Variants in DOCK2 observed in about 807,000 individuals in gnomAD.
The protein encoded by DOCK2 is dedicator of cytokinesis protein 2.
In DOCK2, 87 loss-of-function variants were observed where a neutral mutation model predicts 248.9. The ratio of observed to expected loss-of-function variants is 0.35; its 90% CI spans 0.29 to 0.42. The LOEUF (loss-of-function observed/expected upper bound fraction) is 0.42. Ranked by LOEUF, DOCK2 falls within the 10% of genes least tolerant of loss-of-function variation. The pLI is 1.00. For missense variants in DOCK2, 1,747 were observed against 2,300.2 expected (o/e 0.76, Z 4.92); for synonymous variants, 805 against 821.6 (o/e 0.98, Z 0.35).
intron 41 of DOCK2, among the ~76,000 whole-genome samples, chr5:170,051,979 G>C (rs1034017065): frequency 5.3e-5 from 8 of 152,150 alleles, no homozygotes; most frequent in Non-Finnish European, 1.0e-4. Flanking sequence ...GCCAGTGCTG[G>C]GCAACAGACA....
At chr5:169,999,092 A>T (rs553489532) in intron 30 of DOCK2, among the ~76,000 whole-genome samples, 1 of 152,138 alleles carries the variant, frequency 6.6e-6, no homozygotes, top group Admixed American at 6.5e-5. Flanking sequence ...ACTATTTTCC[A>T]TGCTCTTAGA....
At chr5:169,765,070 G>GCGCACACACA (rs1554098290) in intron 25 of DOCK2, among the ~76,000 whole-genome samples, 60 of 146,500 alleles carry the variant, frequency 4.1e-4, no homozygotes, top group Non-Finnish European at 1.8e-4. Flanking sequence ...CTCTTTTAGC[G>GCGCACACACA]CACACACACA....
At chr5:169,920,289 AAATAT>A (rs1775102441) in intron 27 of DOCK2, among the ~76,000 whole-genome samples, 1 of 152,212 alleles carries the variant, frequency 6.6e-6, no homozygotes, top group South Asian at 2.1e-4. Context: ...AAACACAATA[AAATAT>A]AATATTATGT....
intron 25 of DOCK2, among the ~76,000 whole-genome samples, chr5:169,779,006 A>C (rs967606837): frequency 1.6e-4 from 25 of 151,914 alleles, no homozygotes; most frequent in African/African-American, 5.8e-4. Context: ...CTGATGAGGG[A>C]TGTTGATAGT....
intron 22 of DOCK2, among the ~76,000 whole-genome samples, chr5:169,719,394 G>T (rs937672315): frequency 1.3e-5 from 2 of 152,236 alleles, no homozygotes; most frequent in Non-Finnish European, 2.9e-5. Flanking sequence ...GGCAAAGTTA[G>T]GTAGAGGATT....
chr5:169,903,453 C>G lies in DOCK2; in HGVS notation c.2799+62601C>G, dbSNP rs369755430. Among the ~76,000 whole-genome samples, 178 of 148,086 alleles carry G rather than the reference C, an allele frequency of 1.2e-3. 6 individuals carry two copies. The South Asian group carries it at 0.037, about 31-fold the overall frequency. On this transcript the variant is annotated intron_variant, in intron 27 of 51. Transcript: ENST00000520908. ...TTCTGTGGTGGTGTGAGTGTGAAGGCTGGTGGCTAAGGGAGCCTCCTCAAG... is the reference window on the plus strand; with the variant it reads ...TTCTGTGGTGGTGTGAGTGTGAAGGGTGGTGGCTAAGGGAGCCTCCTCAAG...
At chr5:170,012,708 T>C (rs1317343421) in intron 32 of DOCK2, among the ~76,000 whole-genome samples, 2 of 152,220 alleles carry the variant, frequency 1.3e-5, no homozygotes. Context: ...AAATGGAATT[T>C]ACTTTTCCCA....
At chr5:170,081,652 C>G in intron 50 of DOCK2, 190 bp from the exon 51 acceptor site, 1 of 661,538 alleles carries the variant, frequency 1.5e-6, no homozygotes, top group Non-Finnish European at 2.5e-6. Flanking sequence ...GGGCAATCTT[C>G]ACTGCAAGAG....
At chr5:169,887,985 G>C (rs1773069297) in intron 27 of DOCK2, among the ~76,000 whole-genome samples, 1 of 152,214 alleles carries the variant, frequency 6.6e-6, no homozygotes, top group African/African-American at 2.4e-5. Context: ...ATTTATATGA[G>C]TGGACATTTT....
chr5:169,822,484 G>A (rs1042626829), intron 26 of DOCK2, among the ~76,000 whole-genome samples: 1 of 152,170 alleles, frequency 6.6e-6, no homozygotes, highest in Non-Finnish European at 1.5e-5. Context: ...CCGCTCAACT[G>A]CATGGAAACT....
At chr5:169,984,575 T>C (rs750563992) in intron 28 of DOCK2, among the ~76,000 whole-genome samples, 8 of 152,218 alleles carry the variant, frequency 5.3e-5, no homozygotes, top group Non-Finnish European at 1.2e-4. Flanking sequence ...ATTTCCAGAA[T>C]TTTGCAACTT....
intron 49 of DOCK2, 183 bp downstream of exon 49, chr5:170,079,329 G>T (rs1757945949): frequency 1.3e-6 from 1 of 759,578 alleles, no homozygotes; most frequent in Non-Finnish European, 2.0e-6. Flanking sequence ...CCAGGCAGCT[G>T]GGGTGGCTGG....
intron 39 of DOCK2, 97 bp downstream of exon 39, chr5:170,046,002 C>G: frequency 8.7e-7 from 1 of 1,143,934 alleles, no homozygotes; most frequent in South Asian, 1.2e-5. Flanking sequence ...GAGGGCCAGG[C>G]GGGGTTAGGG....
intron 19 of DOCK2, among the ~76,000 whole-genome samples, chr5:169,715,099 A>T (rs1033113778): frequency 6.6e-6 from 1 of 152,156 alleles, no homozygotes; most frequent in Non-Finnish European, 1.5e-5. Flanking sequence ...AAAGGGAAAG[A>T]CATCAGGGCT....
intron 25 of DOCK2, among the ~76,000 whole-genome samples, chr5:169,784,405 G>A (rs1765876205): frequency 6.6e-6 from 1 of 152,182 alleles, no homozygotes; most frequent in African/African-American, 2.4e-5. Flanking sequence ...GAGGGGACAT[G>A]ACCTGCCCAA....
chr5:169,864,959 T>C (rs1269308561), intron 27 of DOCK2, among the ~76,000 whole-genome samples: 1 of 152,224 alleles, frequency 6.6e-6, no homozygotes, highest in East Asian at 1.9e-4. Context: ...GAGTAGTGCC[T>C]GGCGTGCGCT....
intron 32 of DOCK2, among the ~76,000 whole-genome samples, chr5:170,009,070 C>A (rs902357301): frequency 2.0e-5 from 3 of 151,952 alleles, no homozygotes; most frequent in Admixed American, 2.0e-4. Flanking sequence ...GACACGGATG[C>A]TTGCTGCTGA....
intron 37 of DOCK2, 40 bp from the exon 38 acceptor site, chr5:170,041,973 C>T: frequency 6.2e-7 from 1 of 1,606,292 alleles, no homozygotes; most frequent in Non-Finnish European, 8.5e-7. Flanking sequence ...TCTTGGCAGC[C>T]TCTCGGCCCT....
Position 169,716,840 on chromosome 5 carries a change from C to T in DOCK2, c.2031+538C>T, listed in dbSNP as rs558685199. Among the ~76,000 whole-genome samples, 64 of 152,296 alleles carry T rather than the reference C, an allele frequency of 4.2e-4. 2 individuals are homozygous for T. The highest frequency in any genetic ancestry group is 8.2e-4 in the Non-Finnish European group (56 of 68,026). ...TTTCTCAGTGTTATGTCAAAATAAA[C>T]ACAAGAAACATCTGCATTAGGGAAT... On this transcript the variant is annotated intron_variant, in intron 20 of 51. Transcript: ENST00000520908.
Sources: gnomAD v4.1 joint callset for allele counts (sites outside exome capture counted in the v4.1 genomes callset) on GRCh38, gnomAD v4.1.1 for gene constraint, MANE v1.5 for transcripts, NCBI Gene and HGNC (gene_info 2026-07-23, HGNC 2026-07-21) for gene names.